The following TNK2 variants were observed in gnomAD, a reference collection of about 807,000 sequenced individuals.
The protein encoded by TNK2 is activated CDC42 kinase 1.
TNK2 carries 83 observed loss-of-function variants against 101.8 expected under a neutral mutation model. The observed-to-expected ratio is 0.82, with a 90% CI of 0.68 to 0.98. The LOEUF (loss-of-function observed/expected upper bound fraction) is 0.98. TNK2 is among the 50% of genes least tolerant of loss of function. The pLI is 0.00. For synonymous variants in TNK2, 804 were observed against 633.0 expected, an observed-to-expected ratio of 1.27 and a Z score of -4.06; for missense variants, 1,665 against 1,483.2, an observed-to-expected ratio of 1.12 and a Z score of -2.01.
At position 195,872,373 on chromosome 3, in the gene TNK2, GGGCCGACAGGCC is replaced by G; in HGVS notation, c.1342_1353del (p.Gly448_Ala451del). On this transcript the variant is annotated inframe_deletion, in exon 10 of 16. Transcript: ENST00000672887. ...TTCTGCAGGGGCTGGCTGATGTCCT[GGGCCGACAGGCC>G]GGCCACGGAGGTCACCACGTTGCGA... is the stretch of plus-strand genomic sequence containing the variant. 1 of 1,613,388 alleles carries G rather than the reference GGGCCGACAGGCC, an allele frequency of 6.2e-7. No homozygotes were observed. Among genetic ancestry groups the G allele is most frequent in the East Asian group, 2.2e-5 (1 of 44,876 alleles).
chr3:195,868,855 C>T (rs554956132), intron 12 of TNK2, 146 bp from the exon 13 acceptor site: 272 of 962,760 alleles, frequency 2.8e-4, no homozygotes, highest in Non-Finnish European at 3.6e-4. Flanking sequence ...CAGCCACCGG[C>T]GGCCAGGTTC....
At chr3:195,904,565 CG>C (rs1761543303) in intron 1 of TNK2, among the ~76,000 whole-genome samples, 1 of 152,026 alleles carries the variant, frequency 6.6e-6, no homozygotes, top group Non-Finnish European at 1.5e-5. Context: ...TTAATAGGTG[CG>C]GTTTCAGTTT....
chr3:195,885,452 C>T lies in TNK2; in HGVS notation c.235-419G>A. ...CCGCAGGGGCCCTCCACAGACACCT[C>T]CTTGTCCATTTTTAGCCCTGGCCCC... On this transcript the variant is annotated intron_variant, in intron 3 of 15. Coordinates refer to ENST00000672887, the MANE Select transcript of TNK2 (RefSeq NM_001382273.1). This position sits in a 1 kb window ranked among gnomAD's most constrained non-coding sequence, Gnocchi z 4.7. The T allele has an allele frequency of 7.6e-7, 1 of 1,315,976 alleles. No individual in the cohort carries two copies. Among genetic ancestry groups the T allele is most frequent in the Non-Finnish European group, 9.9e-7 (1 of 1,006,722 alleles). 81.5% of individuals were successfully genotyped at this position (1,315,976 alleles called of 1,614,324 possible).
chr3:195,896,485 G>C (rs1408340377), intron 1 of TNK2, among the ~76,000 whole-genome samples: 2 of 152,170 alleles, frequency 1.3e-5, no homozygotes, highest in East Asian at 3.9e-4. Flanking sequence ...CCGAACGCCT[G>C]CTTCTATGCT....
chr3:195,872,564 G>A (rs1746192089), intron 9 of TNK2, 94 bp from the exon 10 acceptor site: 6 of 1,332,268 alleles, frequency 4.5e-6, no homozygotes, highest in Admixed American at 2.6e-5. Flanking sequence ...TGGCAGAAGG[G>A]GGATGGAGCT....
At chr3:195,871,802 T>C (rs1745504332) in intron 10 of TNK2, among the ~76,000 whole-genome samples, 1 of 152,198 alleles carries the variant, frequency 6.6e-6, no homozygotes, top group South Asian at 2.1e-4. Context: ...GCCTTCCCCT[T>C]ATTGGGGGGG....
intron 9 of TNK2, among the ~76,000 whole-genome samples, chr3:195,874,621 AGCTCCCCTCGGGATGGCGCCCACGCAC>A (rs1747925205): frequency 1.8e-5 from 1 of 56,926 alleles, no homozygotes; most frequent in East Asian, 3.8e-4. Context: ...AGGCACAAGA[AGCTCCCCTCGGGATGGCGCCCACGCAC>A]ACTCCGAGGC....
At chr3:195,871,954 TGGAGAA>T (rs1560488642) in intron 10 of TNK2, among the ~76,000 whole-genome samples, 5 of 70,484 alleles carry the variant, frequency 7.1e-5, no homozygotes, top group Non-Finnish European at 1.4e-4. Context: ...AACATTCCCC[TGGAGAA>T]CCCTCCCCTG....
At position 195,886,946 on chromosome 3, in the gene TNK2, C is replaced by T. The variant is rs191690543; in HGVS notation, c.234+31G>A. ...GAGGGGGGCGTTCGAGGCTGCCCCC[C>T]TCCCACCTCCTCACCCACCTCCTCA... On this transcript the variant is annotated intron_variant, in intron 3 of 15. Coordinates refer to ENST00000672887, the MANE Select transcript of TNK2 (RefSeq NM_001382273.1). This position sits in a 1 kb window ranked among gnomAD's most constrained non-coding sequence, Gnocchi z 4.2. The T allele has an allele frequency of 1.9e-5, 31 of 1,610,238 alleles. No individual in the cohort carries two copies. In the East Asian group the frequency reaches 6.9e-4, roughly 36 times the overall value.
intron 1 of TNK2, chr3:195,895,681 C>T: frequency 9.4e-7 from 1 of 1,061,068 alleles, no homozygotes; most frequent in Non-Finnish European, 1.2e-6. Context: ...AGCCCTCAGC[C>T]CGCCTCCAGG....
chr3:195,884,863 A>G lies in TNK2; in HGVS notation c.405T>C (p.Gly135=), dbSNP rs149257266. The G allele has an allele frequency of 3.7e-3, 5,904 of 1,613,632 alleles. 15 individuals are homozygous for G. The highest frequency in any genetic ancestry group is 4.7e-3 in the Non-Finnish European group (5,500 of 1,179,960). The part of the protein sequence containing the change: ...DLRLLEKLGD[G]SFGVVRRGEW... ...CGCCCCTGCGCACCACGCCAAAGGA[A>G]CCATCACCCAGCTTCTCCAGGAGGC... The change falls in exon 4 of 16, where the codon GGT becomes GGC. Residue 135 remains glycine (G), a synonymous_variant. Coordinates refer to ENST00000672887, the MANE Select transcript of TNK2 (RefSeq NM_001382273.1).
At chr3:195,891,909 C>T in intron 1 of TNK2, 4 of 986,542 alleles carry the variant, frequency 4.1e-6, no homozygotes, top group Non-Finnish European at 4.8e-6. Context: ...CCAGCTAATG[C>T]ACCTCTGTTC....
chr3:195,869,565 G>A (rs750528073), intron 11 of TNK2, 24 bp from the exon 12 acceptor site: 2 of 1,551,050 alleles, frequency 1.3e-6, no homozygotes, highest in Non-Finnish European at 1.7e-6. Context: ...CATGCGGACA[G>A]GGGGAGAGAG....
chr3:195,880,308 C>T (rs1457893727), intron 6 of TNK2, among the ~76,000 whole-genome samples: 1 of 152,120 alleles, frequency 6.6e-6, no homozygotes, highest in Non-Finnish European at 1.5e-5. Flanking sequence ...TGCTTACCAA[C>T]GAGTCTTTCC....
chr3:195,880,731 T>C (rs1436804799), intron 6 of TNK2, among the ~76,000 whole-genome samples: 1 of 38,802 alleles, frequency 2.6e-5, no homozygotes, highest in African/African-American at 1.5e-4. Flanking sequence ...CCCCCAGCAA[T>C]GCCCCTTGGA....
At chr3:195,890,264 T>TG (rs1757832009) in intron 1 of TNK2, among the ~76,000 whole-genome samples, 1 of 151,926 alleles carries the variant, frequency 6.6e-6, no homozygotes, top group Admixed American at 6.6e-5. Context: ...CCACAACATT[T>TG]GGGGGGGCCT....
rs151330438 is a variant in TNK2 at position 195,878,569 on chromosome 3, C to T, written c.1038G>A (p.Glu346=). ...GSQILHKIDK[E]GERLPRPEDC... ...CCTCGGGCCGGGGCAGCCGCTCCCC[C>T]TCCTTGTCGATCTTATGCAGGATCT... The change falls in exon 8 of 16, where the codon GAG becomes GAA. Residue 346 remains glutamate, a synonymous_variant. Coordinates refer to ENST00000672887, the MANE Select transcript of TNK2 (RefSeq NM_001382273.1). This position sits in a 1 kb window ranked among gnomAD's most constrained non-coding sequence, Gnocchi z 4.7. 1.7e-4 allele frequency: 281 copies of T among 1,613,374 alleles called. No individual in the cohort carries two copies. The African/African-American group carries it at 3.1e-3, about 18-fold the overall frequency.
chr3:195,868,592 C>A lies in TNK2; in HGVS notation c.1706G>T (p.Arg569Leu). The A allele has an allele frequency of 6.3e-7, 1 of 1,576,472 alleles. No individual in the cohort carries two copies. The highest frequency in any genetic ancestry group is 2.3e-5 in the East Asian group (1 of 43,158). Residue 569 changes from arginine (R) to leucine (L), a missense_variant, in exon 13 of 16, where the codon CGG becomes CTG. Around this residue, in one of 3 missense-constraint regions of TNK2, gnomAD observed 1,136 missense variants for 894.9 expected, o/e 1.27. Coordinates refer to ENST00000672887, the MANE Select transcript of TNK2 (RefSeq NM_001382273.1). ...TCGGCTGGCCTTGGTGCCCGGCACCCGCGCCGAGGGCTTCGCCAGCCACAG... is the reference window on the plus strand; with the variant it reads ...TCGGCTGGCCTTGGTGCCCGGCACCAGCGCCGAGGGCTTCGCCAGCCACAG... Reference protein sequence around the residue: ...RGLWLAKPSARVPGTKASRGS... With the variant: ...RGLWLAKPSALVPGTKASRGS...
chr3:195,864,981 C>T (rs113752015), intron 15 of TNK2, among the ~76,000 whole-genome samples: 1 of 132,680 alleles, frequency 7.5e-6, no homozygotes, highest in African/African-American at 2.9e-5. Flanking sequence ...AAGAACCACC[C>T]GAGACAGCGA....
Sources: allele counts gnomAD v4.1 joint callset (sites outside exome capture counted in the v4.1 genomes callset), GRCh38; gene constraint gnomAD v4.1.1; regional missense constraint gnomAD v4.1.1; non-coding constraint Gnocchi (gnomAD v3.1); transcripts MANE v1.5; gene names NCBI Gene and HGNC (gene_info 2026-07-23, HGNC 2026-07-21).